MEGF8: variants seen among roughly 807,000 people sequenced by gnomAD.
MEGF8 encodes multiple epidermal growth factor-like domains protein 8.
MEGF8 carries 156 observed loss-of-function variants against 302.9 expected under a neutral mutation model. The ratio of observed to expected loss-of-function variants is 0.52; its 90% confidence interval spans 0.45 to 0.59. The LOEUF (loss-of-function observed/expected upper bound fraction) is 0.59, where lower values mean the gene tolerates loss of function less well. Among genes scored for constraint, MEGF8 ranks in the 20% least tolerant of loss-of-function variants. The pLI, the probability that MEGF8 is intolerant of heterozygous loss-of-function variation, is 0.00. For missense variants in MEGF8, 3,345 were observed against 3,964.5 expected, an observed-to-expected ratio of 0.84 and a Z score of 4.20; for synonymous variants, 1,621 against 1,660.5, an observed-to-expected ratio of 0.98 and a Z score of 0.58.
chr19:42,349,800 T>G (rs2039342679), intron 14 of MEGF8, 101 bp downstream of exon 14: 3 of 1,285,794 alleles, frequency 2.3e-6, no homozygotes, highest in Non-Finnish European at 3.3e-6. Flanking sequence ...ATCCCTAGAT[T>G]CTGGCCTCGG....
chr19:42,354,447 T>G lies in MEGF8; in HGVS notation c.4012-141T>G. 1 of 991,632 alleles carries G rather than the reference T, an allele frequency of 1.0e-6. No individual in the cohort carries two copies. Among genetic ancestry groups the G allele is most frequent in the Non-Finnish European group, 1.5e-6 (1 of 667,598 alleles). 61.4% of individuals were successfully genotyped at this position (991,632 alleles called of 1,614,324 possible). On this transcript the variant is annotated intron_variant, in intron 22 of 41. Coordinates refer to ENST00000251268, the MANE Select transcript of MEGF8 (RefSeq NM_001271938.2). This position sits in a 1 kb window ranked among gnomAD's most constrained non-coding sequence, Gnocchi z 4.3. ...GGGAGTGGTGGCCTTATGCCATAGT[T>G]TGACAGTCTCCCCTGGATGTTCAAA...
chr19:42,354,153 C>G lies in MEGF8; in HGVS notation c.4011+129C>G. ...TTTTGTTTTTTTAATCCTTCAAAAC[C>G]CAAACTCCTCCTCAGATCCCCAGCA... On this transcript the variant is annotated intron_variant, in intron 22 of 41. Coordinates refer to ENST00000251268, the MANE Select transcript of MEGF8 (RefSeq NM_001271938.2). This position sits in a 1 kb window ranked among gnomAD's most constrained non-coding sequence, Gnocchi z 4.3. 3.5e-6 allele frequency: 4 copies of G among 1,148,390 alleles called. No homozygotes were observed. In the South Asian group the frequency reaches 5.0e-5, roughly 14 times the overall value. 71.1% of individuals were successfully genotyped at this position (1,148,390 alleles called of 1,614,324 possible). A position where few individuals can be genotyped will look rare whatever the true frequency, so the allele number is the denominator to read the frequency against.
rs2039521465 is a variant in MEGF8, at chr19:42,360,868, G to T, written c.5582G>T (p.Gly1861Val). The T allele has an allele frequency of 9.9e-6, 16 of 1,613,526 alleles. No homozygotes were observed. The highest frequency in any genetic ancestry group is 1.3e-5 in the Non-Finnish European group (15 of 1,179,866). The change falls in exon 32 of 42, where the codon GGA becomes GTA. Residue 1861 changes from glycine (G) to valine (V), a missense_variant. Transcript: ENST00000251268. ...CTGTATATCTCTGGGGGTTTCGGGG[G>T]AGTGGCCCTGGGCCGCCTGCTGGCA... ...SRLYISGGFG[G>V]VALGRLLALT...
chr19:42,359,085 GT>G lies in MEGF8; in HGVS notation c.5344-12del. On this transcript the variant is annotated splice_polypyrimidine_tract_variant and intron_variant, in intron 30 of 41. Coordinates refer to ENST00000251268, the MANE Select transcript of MEGF8 (RefSeq NM_001271938.2). Reference sequence around the variant, plus strand: ...AGGCTGTCCTGTCCCCCCACCCCCCGTCTCCCCAACAGCCCCGCCCCCGGCT... The same window carrying G: ...AGGCTGTCCTGTCCCCCCACCCCCCGCTCCCCAACAGCCCCGCCCCCGGCT... 6.4e-6 allele frequency: 4 copies of G among 624,524 alleles called. No individual in the cohort carries two copies. Among genetic ancestry groups the G allele is most frequent in the Non-Finnish European group, 9.8e-6 (4 of 408,294 alleles). The allele number at this position is 624,524 out of a possible 1,614,324, so 38.7% of individuals were successfully genotyped here.
intron 23 of MEGF8, among the ~76,000 whole-genome samples, chr19:42,355,427 C>T (rs908749824): frequency 6.6e-6 from 1 of 152,086 alleles, no homozygotes; most frequent in Non-Finnish European, 1.5e-5. Context: ...GCCCAATTCA[C>T]GTTTTGAGGA....
At position 42,357,017 on chromosome 19, in the gene MEGF8, A is replaced by G; in HGVS notation, c.4830+36A>G. On this transcript the variant is annotated intron_variant, in intron 27 of 41. Coordinates refer to ENST00000251268, the MANE Select transcript of MEGF8 (RefSeq NM_001271938.2). The surrounding 1 kb of genome is among the most constrained non-coding windows in gnomAD (Gnocchi z 5.2). ...CTCCCCAGCCCACTCCCCAGCCCTC[A>G]CACTGGGCCCTGACAGAGACAGCTG... The G allele has an allele frequency of 6.5e-7, 1 of 1,527,172 alleles. No individual in the cohort carries two copies. Among genetic ancestry groups the G allele is most frequent in the Non-Finnish European group, 8.8e-7 (1 of 1,131,474 alleles). The allele number at this position is 1,527,172 out of a possible 1,614,324, so 94.6% of individuals were successfully genotyped here.
Position 42,352,199 on chromosome 19 carries a change from A to C in MEGF8, c.3102-9A>C, listed in dbSNP as rs1266074308. 1 of 1,507,682 alleles carries C rather than the reference A, an allele frequency of 6.6e-7. No individual in the cohort carries two copies. The highest frequency in any genetic ancestry group is 2.4e-5 in the East Asian group (1 of 42,118). The allele number at this position is 1,507,682 out of a possible 1,614,324, so 93.4% of individuals were successfully genotyped here. On this transcript the variant is annotated splice_polypyrimidine_tract_variant and intron_variant, in intron 18 of 41. Coordinates refer to ENST00000251268, the MANE Select transcript of MEGF8 (RefSeq NM_001271938.2). This position sits in a 1 kb window ranked among gnomAD's most constrained non-coding sequence, Gnocchi z 4.4. Reference sequence around the variant, plus strand: ...TTGTCCCCCGCTTCTTCACTCTCCCACCCTGCAGGTGCCTACAGGGGGACT... The same window carrying C: ...TTGTCCCCCGCTTCTTCACTCTCCCCCCCTGCAGGTGCCTACAGGGGGACT...
rs1301150909 is a variant in MEGF8, at chr19:42,358,856, T to G, written c.5245T>G (p.Ser1749Ala). ...CCAAGTTCCTGGGGAGCAGCCTGGG[T>G]CATGGGGGTTCCGGGAAGTCAGGAA... ...LGQVPGEQPGSWGFREVRKKM... is the reference protein window; with the variant it reads ...LGQVPGEQPGAWGFREVRKKM... The change falls in exon 30 of 42, where the codon TCA (serine) becomes GCA (alanine). Residue 1749 changes from serine to alanine, a missense_variant. Ser to Ala is a moderately conservative substitution (Grantham distance 99, BLOSUM62 1). Coordinates refer to ENST00000251268, the MANE Select transcript of MEGF8 (RefSeq NM_001271938.2). The surrounding 1 kb of genome is among the most constrained non-coding windows in gnomAD (Gnocchi z 4.4). The G allele has an allele frequency of 6.2e-7, 1 of 1,608,660 alleles. No homozygotes were observed. Among genetic ancestry groups the G allele is most frequent in the Non-Finnish European group, 8.5e-7 (1 of 1,177,712 alleles).
intron 1 of MEGF8, among the ~76,000 whole-genome samples, chr19:42,327,256 TTA>T (rs2038996835): frequency 6.6e-6 from 1 of 152,256 alleles, no homozygotes; most frequent in South Asian, 2.1e-4. Flanking sequence ...GTGCCAGACA[TTA>T]TGTTTCCCAT....
rs775920740 is a variant in MEGF8 at position 42,334,172 on chromosome 19, G to A, written c.517G>A (p.Glu173Lys). 2 of 1,610,540 alleles carry A rather than the reference G, an allele frequency of 1.2e-6. No homozygotes were observed. Among genetic ancestry groups the A allele is most frequent in the African/African-American group, 1.3e-5 (1 of 74,996 alleles). ...GWGGPDCGLQ[E>K]CSAYCGSHGT... ...GGGGGGTCCTGACTGTGGCCTGCAG[G>A]AGTGCTCAGCCTACTGTGGCAGCCA... Residue 173 changes from glutamate to lysine, a missense_variant, in exon 3 of 42, where the codon GAG becomes AAG. Coordinates refer to ENST00000251268, the MANE Select transcript of MEGF8 (RefSeq NM_001271938.2).
In MEGF8 at chr19:42,356,804, G is replaced by C. The variant is rs201947104; in HGVS notation, c.4653G>C (p.Gln1551His). 2 of 1,556,204 alleles carry C rather than the reference G, an allele frequency of 1.3e-6. No individual in the cohort carries two copies. Among genetic ancestry groups the C allele is most frequent in the Non-Finnish European group, 1.7e-6 (2 of 1,150,192 alleles). The change falls in exon 27 of 42, where the codon CAG becomes CAC. Residue 1551 changes from glutamine to histidine, a missense_variant. Gln to His is a conservative substitution (Grantham distance 24). Coordinates refer to ENST00000251268, the MANE Select transcript of MEGF8 (RefSeq NM_001271938.2). The surrounding 1 kb of genome is among the most constrained non-coding windows in gnomAD (Gnocchi z 5.2). Reference sequence around the variant, plus strand: ...CAGTGAGTGAGCGGCGGTGGACACAGATGCTGGCGGGAGCCGAGGACGGGG... The same window carrying C: ...CAGTGAGTGAGCGGCGGTGGACACACATGCTGGCGGGAGCCGAGGACGGGG... ...RYSVSERRWT[Q>H]MLAGAEDGGP...
chr19:42,376,702 G>T lies in MEGF8; in HGVS notation c.8465G>T (p.Gly2822Val). 2 of 1,507,952 alleles carry T rather than the reference G, an allele frequency of 1.3e-6. No homozygotes were observed. The highest frequency in any genetic ancestry group is 8.9e-7 in the Non-Finnish European group (1 of 1,128,492). 93.4% of individuals were successfully genotyped at this position (1,507,952 alleles called of 1,614,324 possible). A position where few individuals can be genotyped will look rare whatever the true frequency, so the allele number is the denominator to read the frequency against. The change falls in exon 42 of 42, where the codon GGC (glycine) becomes GTC (valine). Residue 2822 changes from glycine (G) to valine (V), a missense_variant. Coordinates refer to ENST00000251268, the MANE Select transcript of MEGF8 (RefSeq NM_001271938.2). This position sits in a 1 kb window ranked among gnomAD's most constrained non-coding sequence, Gnocchi z 8.2. Reference protein sequence around the residue: ...EYCGGGGGAGGSGHGTGAGRK... With the variant: ...EYCGGGGGAGVSGHGTGAGRK... ...TGTGGGGGTGGTGGGGGTGCTGGGG[G>T]CAGTGGGCATGGGACTGGTGCGGGC...
Position 42,343,456 on chromosome 19 carries a change from T to C in MEGF8, c.1514-21T>C, listed in dbSNP as rs778798104. ...AGGGGCTGGGGGTCTAATAATGTCATTGGGGTCTCTATTCCCCTAGGCCGA... is the reference window on the plus strand; with the variant it reads ...AGGGGCTGGGGGTCTAATAATGTCACTGGGGTCTCTATTCCCCTAGGCCGA... On this transcript the variant is annotated intron_variant, in intron 8 of 41. Transcript: ENST00000251268. The C allele has an allele frequency of 1.2e-5, 19 of 1,573,146 alleles. No homozygotes were observed. The South Asian group carries it at 1.5e-4, about 12-fold the overall frequency.
Position 42,358,360 on chromosome 19 carries a change from C to T in MEGF8, c.5175+53C>T. On this transcript the variant is annotated intron_variant, in intron 29 of 41. Coordinates refer to ENST00000251268, the MANE Select transcript of MEGF8 (RefSeq NM_001271938.2). The surrounding 1 kb of genome is among the most constrained non-coding windows in gnomAD (Gnocchi z 4.4). The stretch of plus-strand genomic sequence containing the variant: ...ATGTATGGGGCAGGAGGGAGGGGTC[C>T]TCTTTCCCAGTGCCCCAGGGACTGG... 1 of 1,526,860 alleles carries T rather than the reference C, an allele frequency of 6.5e-7. No individual in the cohort carries two copies. The highest frequency in any genetic ancestry group is 1.7e-4 in the Middle Eastern group (1 of 5,868). The allele number at this position is 1,526,860 out of a possible 1,614,324, so 94.6% of individuals were successfully genotyped here.
chr19:42,366,444 C>G (rs2039607855), intron 35 of MEGF8, among the ~76,000 whole-genome samples: 1 of 152,214 alleles, frequency 6.6e-6, no homozygotes, highest in African/African-American at 2.4e-5. Flanking sequence ...TGTGATCCAC[C>G]TGCCTCGGCC....
rs1216924054 is a variant in MEGF8, at chr19:42,353,389, G to T, written c.3551-76G>T. On this transcript the variant is annotated intron_variant, in intron 20 of 41. Coordinates refer to ENST00000251268, the MANE Select transcript of MEGF8 (RefSeq NM_001271938.2). The surrounding 1 kb of genome is among the most constrained non-coding windows in gnomAD (Gnocchi z 6.1). Reference sequence around the variant, plus strand: ...TTTGAAGCGGCTGGGTGGGGTCAGGGTTTAGCTGAGCCAGTAGGCCTGGGC... The same window carrying T: ...TTTGAAGCGGCTGGGTGGGGTCAGGTTTTAGCTGAGCCAGTAGGCCTGGGC... 6.6e-7 allele frequency: 1 copy of T among 1,507,662 alleles called. No homozygotes were observed. The highest frequency in any genetic ancestry group is 9.0e-7 in the Non-Finnish European group (1 of 1,112,182). 93.4% of individuals were successfully genotyped at this position (1,507,662 alleles called of 1,614,324 possible). A position where few individuals can be genotyped will look rare whatever the true frequency, so the allele number is the denominator to read the frequency against.
chr19:42,375,830 CCCACCACCT>C lies in MEGF8; in HGVS notation c.7602_7610del (p.Pro2536_Pro2538del), dbSNP rs773517915. 9 of 1,611,444 alleles carry C rather than the reference CCCACCACCT, an allele frequency of 5.6e-6. No homozygotes were observed. The Admixed American group carries it at 1.3e-4, about 24-fold the overall frequency. ...CTGTACACATCCAGCCACCCCCAGCCCCACCACCTCCACCACCCCCTGCAGATGGTGGGC... is the reference window on the plus strand; with the variant it reads ...CTGTACACATCCAGCCACCCCCAGCCCCACCACCCCCTGCAGATGGTGGGC... On this transcript the variant is annotated inframe_deletion, in exon 42 of 42. Coordinates refer to ENST00000251268, the MANE Select transcript of MEGF8 (RefSeq NM_001271938.2). This position sits in a 1 kb window ranked among gnomAD's most constrained non-coding sequence, Gnocchi z 7.1.
intron 1 of MEGF8, among the ~76,000 whole-genome samples, chr19:42,332,002 C>T (rs1468193757): frequency 4.0e-5 from 6 of 151,150 alleles, no homozygotes; most frequent in Admixed American, 4.0e-4. Context: ...GGGACTTGCA[C>T]CACCATGCCT....
chr19:42,350,143 C>T lies in MEGF8; in HGVS notation c.2500-5C>T, dbSNP rs754981918. Reference sequence around the variant, plus strand: ...ACTGCTGCCTTCCTGTGACCCCTTCCCCAGGAGATCTCCTTCTTCTTCCTG... The same window carrying T: ...ACTGCTGCCTTCCTGTGACCCCTTCTCCAGGAGATCTCCTTCTTCTTCCTG... On this transcript the variant is annotated splice_polypyrimidine_tract_variant and splice_region_variant and intron_variant, in intron 14 of 41. Coordinates refer to ENST00000251268, the MANE Select transcript of MEGF8 (RefSeq NM_001271938.2). 8.7e-6 allele frequency: 14 copies of T among 1,607,164 alleles called. No individual in the cohort carries two copies. The highest frequency in any genetic ancestry group is 1.1e-5 in the Non-Finnish European group (13 of 1,174,890).
Sources: gnomAD v4.1 joint callset for allele counts (sites outside exome capture counted in the v4.1 genomes callset) on GRCh38, gnomAD v4.1.1 for gene constraint, Gnocchi (gnomAD v3.1) non-coding constraint, MANE v1.5 for transcripts, NCBI Gene and HGNC (gene_info 2026-07-23, HGNC 2026-07-21) for gene names.